The following GRK5 variants were observed in gnomAD, a reference collection of about 807,000 sequenced individuals.
The protein encoded by GRK5 is G protein-coupled receptor kinase 5.
GRK5 carries 40 observed loss-of-function variants against 78.4 expected under a neutral mutation model. The observed-to-expected ratio is 0.51, with a 90% CI of 0.40 to 0.66. The LOEUF is 0.66. GRK5 is among the 30% of genes least tolerant of loss of function. The pLI is 0.00. For missense variants in GRK5, 598 were observed against 759.9 expected, an observed-to-expected ratio of 0.79 and a Z score of 2.50; for synonymous variants, 289 against 296.8, an observed-to-expected ratio of 0.97 and a Z score of 0.27.
intron 1 of GRK5, among the ~76,000 whole-genome samples, chr10:119,215,162 T>C (rs1848551497): frequency 6.6e-6 from 1 of 152,244 alleles, no homozygotes; most frequent in Non-Finnish European, 1.5e-5. Context: ...TGTATGTTGT[T>C]ATTTATACTT....
intron 3 of GRK5, among the ~76,000 whole-genome samples, chr10:119,389,149 G>A (rs1262640169): frequency 6.6e-6 from 1 of 152,214 alleles, no homozygotes; most frequent in Non-Finnish European, 1.5e-5. Flanking sequence ...TACAACAAAT[G>A]AAATCTCATA....
At chr10:119,274,445 A>G (rs1046194541) in intron 1 of GRK5, among the ~76,000 whole-genome samples, 5 of 152,228 alleles carry the variant, frequency 3.3e-5, no homozygotes, top group African/African-American at 1.2e-4. Context: ...CAGCTTCTGT[A>G]GGGCACTTAC....
chr10:119,449,134 C>T (rs888399435), intron 13 of GRK5, among the ~76,000 whole-genome samples: 5 of 152,234 alleles, frequency 3.3e-5, no homozygotes, highest in African/African-American at 1.2e-4. Flanking sequence ...AGCTCATGTG[C>T]ACCTCTCTTC....
Position 119,448,276 on chromosome 10 carries a change from C to T in GRK5, c.1404+16C>T. The T allele has an allele frequency of 3.8e-6, 6 of 1,579,134 alleles. No individual in the cohort carries two copies. Among genetic ancestry groups the T allele is most frequent in the Non-Finnish European group, 5.1e-6 (6 of 1,166,922 alleles). On this transcript the variant is annotated intron_variant, in intron 13 of 15. Transcript: ENST00000392870. ...CGTTCCAGACGTGAGTAGCCTCCCC[C>T]AGCCCCCAGCAGCTCCCTTCACAGG...
intron 2 of GRK5, among the ~76,000 whole-genome samples, chr10:119,357,172 C>G (rs1189423490): frequency 6.6e-6 from 1 of 152,216 alleles, no homozygotes. Context: ...GGTGTTTTTT[C>G]TCATTTTAAT....
chr10:119,367,932 G>A (rs1372442857), intron 2 of GRK5, among the ~76,000 whole-genome samples: 6 of 152,248 alleles, frequency 3.9e-5, no homozygotes, highest in Non-Finnish European at 5.9e-5. Context: ...CTAGACCCCG[G>A]CCAGTGGCCC....
intron 2 of GRK5, among the ~76,000 whole-genome samples, chr10:119,354,340 T>C (rs1851231792): frequency 6.6e-6 from 1 of 151,446 alleles, no homozygotes; most frequent in Admixed American, 6.6e-5. Flanking sequence ...TCTCATAGTG[T>C]ACATTAGATC....
chr10:119,426,824 C>T (rs1449284225), intron 6 of GRK5, among the ~76,000 whole-genome samples: 2 of 151,446 alleles, frequency 1.3e-5, no homozygotes, highest in Non-Finnish European at 2.9e-5. Context: ...CCATCATCAG[C>T]ATCATCACCA....
intron 9 of GRK5, among the ~76,000 whole-genome samples, chr10:119,438,349 A>G (rs1157836670): frequency 6.6e-6 from 1 of 152,170 alleles, no homozygotes; most frequent in Non-Finnish European, 1.5e-5. Flanking sequence ...AACTGCGGAC[A>G]GGAGGGAACC....
intron 2 of GRK5, among the ~76,000 whole-genome samples, chr10:119,327,760 G>A (rs1049229416): frequency 6.6e-6 from 1 of 152,196 alleles, no homozygotes; most frequent in Non-Finnish European, 1.5e-5. Context: ...GGTGATAGGA[G>A]GCCATCTGTG....
At chr10:119,355,350 A>G (rs895585818) in intron 2 of GRK5, among the ~76,000 whole-genome samples, 1 of 152,256 alleles carries the variant, frequency 6.6e-6, no homozygotes, top group African/African-American at 2.4e-5. Flanking sequence ...TAATGCTGCA[A>G]TGAACATATG....
At chr10:119,335,175 T>TCTCTCTCTCTCTCTCC (rs1387026472) in intron 2 of GRK5, among the ~76,000 whole-genome samples, 9 of 113,214 alleles carry the variant, frequency 7.9e-5, no homozygotes, top group African/African-American at 3.4e-4. Context: ...TCTCTCTCTC[T>TCTCTCTCTCTCTCTCC]CCCCCTCTCC....
rs768557780 is a variant in GRK5, at chr10:119,301,203, A to T, written c.53-25313A>T. On this transcript the variant is annotated intron_variant, in intron 1 of 15. Coordinates refer to ENST00000392870, the MANE Select transcript of GRK5 (RefSeq NM_005308.3). ...CCCTGTGGAACCCTAGTCAAGAAGC[A>T]CGTCATCTACACCCCAGGACCCTCC... Among the ~76,000 whole-genome samples, 4 of 151,064 alleles carry T rather than the reference A, an allele frequency of 2.6e-5. No homozygotes were observed. In the East Asian group the frequency reaches 7.8e-4, roughly 30 times the overall value.
chr10:119,407,761 T>C (rs775025184), intron 4 of GRK5, among the ~76,000 whole-genome samples: 1 of 152,174 alleles, frequency 6.6e-6, no homozygotes, highest in African/African-American at 2.4e-5. Flanking sequence ...TGGTGGCTCA[T>C]GCCTGTAATC....
chr10:119,325,215 T>A (rs74157656), intron 1 of GRK5, among the ~76,000 whole-genome samples: 33,919 of 152,230 alleles, frequency 0.22, 5,088 homozygotes, highest in African/African-American at 0.43. Context: ...CTACCTTGTT[T>A]TCCCTCCTTT....
intron 6 of GRK5, among the ~76,000 whole-genome samples, chr10:119,425,919 C>T (rs1040737794): frequency 2.0e-5 from 3 of 152,262 alleles, no homozygotes; most frequent in Admixed American, 6.5e-5. Flanking sequence ...GACGAGGCCC[C>T]GGCCCTGAGC....
intron 2 of GRK5, among the ~76,000 whole-genome samples, chr10:119,342,296 T>A (rs1239445075): frequency 6.6e-6 from 1 of 152,166 alleles, no homozygotes; most frequent in Non-Finnish European, 1.5e-5. Flanking sequence ...ACCAAACCGG[T>A]GCTGCTGGAT....
chr10:119,207,970 G>T lies in GRK5; in HGVS notation c.52+1G>T. On this transcript the variant is annotated splice_donor_variant, in intron 1 of 15. Transcript: ENST00000392870. LOFTEE classifies it high-confidence loss of function. ...ACGGTCTTGCTGAAAGCCAGGGAAG[G>T]TAAGAGGCAGGGCCGGTACGTGCCC... 4 of 1,604,276 alleles carry T rather than the reference G, an allele frequency of 2.5e-6. No individual in the cohort carries two copies. Among genetic ancestry groups the T allele is most frequent in the Non-Finnish European group, 3.4e-6 (4 of 1,176,224 alleles).
At chr10:119,328,529 A>C (rs904397429) in intron 2 of GRK5, among the ~76,000 whole-genome samples, 1 of 152,014 alleles carries the variant, frequency 6.6e-6, no homozygotes, top group Non-Finnish European at 1.5e-5. Context: ...TGTCATTTTC[A>C]TCCTGGGTCT....
Sources: gnomAD v4.1 joint callset for allele counts (sites outside exome capture counted in the v4.1 genomes callset) on GRCh38, gnomAD v4.1.1 for gene constraint, MANE v1.5 for transcripts, NCBI Gene and HGNC (gene_info 2026-07-23, HGNC 2026-07-21) for gene names.